Variants in CSMD3 observed in about 807,000 individuals in gnomAD.
CSMD3 encodes the protein CUB and Sushi multiple domains 3, also known as CUB and sushi domain-containing protein 3.
CSMD3 carries 177 observed loss-of-function variants against 435.2 expected under a neutral mutation model. The ratio of observed to expected loss-of-function variants is 0.41; its 90% CI spans 0.36 to 0.46. The LOEUF (loss-of-function observed/expected upper bound fraction) is 0.46, where lower values mean the gene tolerates loss of function less well. Among genes scored for constraint, CSMD3 ranks in the 20% least tolerant of loss-of-function variants. CSMD3 has a pLI of 0.34. For missense variants in CSMD3, 4,265 were observed against 4,504.6 expected, an observed-to-expected ratio of 0.95 and a Z score of 1.52; for synonymous variants, 1,656 against 1,520.5, an observed-to-expected ratio of 1.09 and a Z score of -2.07.
intron 11 of CSMD3, among the ~76,000 whole-genome samples, chr8:112,836,054 G>A (rs548760544): frequency 5.5e-4 from 83 of 151,878 alleles, no homozygotes; most frequent in Non-Finnish European, 9.1e-4. Context: ...GATAGCCTAT[G>A]TTTTAGCCAC....
chr8:112,293,336 T>C (rs949029483), intron 54 of CSMD3, among the ~76,000 whole-genome samples: 7 of 152,136 alleles, frequency 4.6e-5, no homozygotes, highest in African/African-American at 1.7e-4. Context: ...TGCACCAGTT[T>C]TCCTTGTCTA....
At chr8:113,357,451 G>A (rs137932876) in intron 1 of CSMD3, among the ~76,000 whole-genome samples, 2 of 152,152 alleles carry the variant, frequency 1.3e-5, no homozygotes, top group African/African-American at 4.8e-5. Context: ...AAATGTGACT[G>A]GTGTGACAGG....
At chr8:113,284,190 C>A (rs922178670) in intron 2 of CSMD3, among the ~76,000 whole-genome samples, 2 of 152,016 alleles carry the variant, frequency 1.3e-5, no homozygotes, top group African/African-American at 4.8e-5. Flanking sequence ...AAAGAACTTA[C>A]TCGTGTAACC....
intron 18 of CSMD3, among the ~76,000 whole-genome samples, chr8:112,653,349 T>A (rs1034644698): frequency 6.6e-6 from 1 of 152,290 alleles, no homozygotes; most frequent in African/African-American, 2.4e-5. Flanking sequence ...TGATCATAAA[T>A]TGTGCATTCT....
At chr8:112,281,057 G>T in intron 59 of CSMD3, 117 bp downstream of exon 59, 1 of 772,282 alleles carries the variant, frequency 1.3e-6, no homozygotes, top group Non-Finnish European at 2.1e-6. Context: ...CTGAAAGGCA[G>T]TACAAACAGT....
At chr8:113,377,192 GGC>G in intron 1 of CSMD3, 1 of 1,166,452 alleles carries the variant, frequency 8.6e-7, no homozygotes, top group Non-Finnish European at 1.1e-6. Flanking sequence ...CCGCTCCAAT[GGC>G]CGGAAGTTCG....
intron 4 of CSMD3, among the ~76,000 whole-genome samples, chr8:113,105,851 A>G (rs1394609951): frequency 1.3e-5 from 2 of 149,056 alleles, no homozygotes; most frequent in Non-Finnish European, 3.0e-5. Flanking sequence ...GACACTAAAT[A>G]TCTTAAAATT....
At chr8:113,007,290 T>G (rs2086093579) in intron 6 of CSMD3, among the ~76,000 whole-genome samples, 1 of 152,016 alleles carries the variant, frequency 6.6e-6, no homozygotes, top group Non-Finnish European at 1.5e-5. Flanking sequence ...GTTGAATATC[T>G]GACTCTCAGT....
chr8:112,929,965 G>C (rs559320557), intron 9 of CSMD3, among the ~76,000 whole-genome samples: 1 of 152,028 alleles, frequency 6.6e-6, no homozygotes, highest in East Asian at 1.9e-4. Flanking sequence ...ATTTTTGTTG[G>C]TATGATCATA....
chr8:112,599,204 C>T (rs1008559109), intron 22 of CSMD3, among the ~76,000 whole-genome samples: 21 of 148,962 alleles, frequency 1.4e-4, no homozygotes, highest in African/African-American at 4.7e-4. Flanking sequence ...AAAAAGTGGG[C>T]GAAGGACATG....
At chr8:112,386,835 G>T (rs1830017734) in intron 36 of CSMD3, among the ~76,000 whole-genome samples, 2 of 152,256 alleles carry the variant, frequency 1.3e-5, no homozygotes, top group African/African-American at 2.4e-5. Context: ...CTGATTCAGT[G>T]TTCAGAGTAA....
At chr8:113,223,794 T>C (rs1212762169) in intron 3 of CSMD3, among the ~76,000 whole-genome samples, 1 of 149,806 alleles carries the variant, frequency 6.7e-6, no homozygotes, top group Admixed American at 6.7e-5. Flanking sequence ...CGGTAAAGTA[T>C]TCATGTATCT....
At chr8:112,827,794 A>G (rs2079742889) in intron 12 of CSMD3, among the ~76,000 whole-genome samples, 1 of 152,224 alleles carries the variant, frequency 6.6e-6, no homozygotes, top group African/African-American at 2.4e-5. Context: ...AAAGGATCTT[A>G]GAAGCTCAAG....
intron 10 of CSMD3, among the ~76,000 whole-genome samples, chr8:112,868,734 C>A (rs1402136308): frequency 6.6e-6 from 1 of 152,076 alleles, no homozygotes; most frequent in Admixed American, 6.5e-5. Flanking sequence ...TAACCTGTGA[C>A]AGGGTCACCA....
intron 12 of CSMD3, among the ~76,000 whole-genome samples, chr8:112,815,651 A>T (rs1398512858): frequency 1.3e-5 from 2 of 152,158 alleles, no homozygotes; most frequent in Admixed American, 1.3e-4. Flanking sequence ...AAAAACAACT[A>T]AAAATTACTT....
At chr8:112,243,853 T>A (rs539191718) in intron 65 of CSMD3, among the ~76,000 whole-genome samples, 5 of 152,032 alleles carry the variant, frequency 3.3e-5, no homozygotes, top group Admixed American at 1.3e-4. Context: ...GGTATCCTCA[T>A]AAGAAGAGGA....
intron 13 of CSMD3, among the ~76,000 whole-genome samples, chr8:112,691,704 TTTTC>T (rs1337077001): frequency 1.3e-5 from 2 of 152,092 alleles, no homozygotes; most frequent in African/African-American, 4.8e-5. Flanking sequence ...TACTTTCTGG[TTTTC>T]TTTCTTCATA....
intron 49 of CSMD3, among the ~76,000 whole-genome samples, chr8:112,312,375 C>T (rs1365708786): frequency 1.3e-5 from 2 of 152,058 alleles, no homozygotes; most frequent in African/African-American, 4.8e-5. Context: ...CTGCCCCAGC[C>T]TCCCGAGTAG....
chr8:112,660,294 G>A (rs2075349913), intron 17 of CSMD3, among the ~76,000 whole-genome samples: 1 of 152,088 alleles, frequency 6.6e-6, no homozygotes, highest in African/African-American at 2.4e-5. Flanking sequence ...CACTGATCAA[G>A]GAAGTGATAG....
Sources: gnomAD v4.1 joint callset for allele counts (sites outside exome capture counted in the v4.1 genomes callset) on GRCh38, gnomAD v4.1.1 for gene constraint, MANE v1.5 for transcripts, NCBI Gene and HGNC (gene_info 2026-07-23, HGNC 2026-07-21) for gene names.